The following SLC14A2 variants were observed in gnomAD, a reference collection of about 807,000 sequenced individuals.
The protein encoded by SLC14A2 is solute carrier family 14 member 2.
In SLC14A2, 91 loss-of-function variants were observed where a neutral mutation model predicts 104.6. That is an observed-to-expected ratio of 0.87 (90% confidence interval 0.73 to 1.04). The LOEUF (loss-of-function observed/expected upper bound fraction) is 1.04. SLC14A2 is among the 50% of genes least tolerant of loss of function. The pLI is 0.00. For missense variants in SLC14A2, 1,189 were observed against 1,156.0 expected, an observed-to-expected ratio of 1.03 and a Z score of -0.41; for synonymous variants, 476 against 466.4, an observed-to-expected ratio of 1.02 and a Z score of -0.27.
At chr18:45,197,389 T>C in the SLC14A2 span, among the ~76,000 whole-genome samples, 84 of 152,180 alleles carry the variant, frequency 5.5e-4, no homozygotes, top group African/African-American at 2.0e-3. Context: ...TGTGACCCAG[T>C]AAGAGAAGTG....
chr18:45,645,964 A>G (rs2045619755), intron 10 of SLC14A2, among the ~76,000 whole-genome samples: 1 of 152,170 alleles, frequency 6.6e-6, no homozygotes, highest in African/African-American at 2.4e-5. Context: ...GGGGTTTTAC[A>G]TGCTGGTGAC....
intron 16 of SLC14A2, among the ~76,000 whole-genome samples, chr18:45,672,461 G>A (rs1014993927): frequency 1.3e-5 from 2 of 151,840 alleles, no homozygotes; most frequent in Admixed American, 1.3e-4. Flanking sequence ...CCCGGGAGGC[G>A]GAGGTTGCAG....
intron 10 of SLC14A2, among the ~76,000 whole-genome samples, chr18:45,655,917 T>G (rs900973): frequency 0.8 from 121,100 of 152,150 alleles, 48,713 homozygotes; most frequent in Middle Eastern, 0.84. Flanking sequence ...CAGGAGTAAA[T>G]AATCCAAAAC....
chr18:45,444,868 G>T (rs2086739036), intron 1 of SLC14A2, among the ~76,000 whole-genome samples: 1 of 152,208 alleles, frequency 6.6e-6, no homozygotes, highest in Non-Finnish European at 1.5e-5. Flanking sequence ...AAAGTCATTA[G>T]ATCACGTTGT....
At chr18:45,343,555 T>C (rs1430035859) in intron 1 of SLC14A2, among the ~76,000 whole-genome samples, 1 of 152,218 alleles carries the variant, frequency 6.6e-6, no homozygotes. Flanking sequence ...TTTTACTATC[T>C]TCCCTTTTTA....
the SLC14A2 span, among the ~76,000 whole-genome samples, chr18:45,192,840 T>C: frequency 1.3e-5 from 2 of 152,160 alleles, no homozygotes; most frequent in African/African-American, 4.8e-5. Flanking sequence ...GTATTTTTAG[T>C]AGAGACGGGG....
intron 1 of SLC14A2, among the ~76,000 whole-genome samples, chr18:45,316,288 G>A (rs565481101): frequency 6.6e-5 from 10 of 152,276 alleles, no homozygotes; most frequent in Middle Eastern, 3.4e-3. Context: ...GTCTCAGTCC[G>A]AAAAGACCCT....
At chr18:45,428,716 C>G (rs1427061166) in intron 1 of SLC14A2, among the ~76,000 whole-genome samples, 1 of 152,224 alleles carries the variant, frequency 6.6e-6, no homozygotes, top group Non-Finnish European at 1.5e-5. Flanking sequence ...AGTTTAATGA[C>G]AGAATGGACC....
upstream of SLC14A2, chr18:45,212,896 C>A (rs1347778584): frequency 2.0e-5 from 3 of 152,328 alleles, no homozygotes; most frequent in African/African-American, 2.4e-5. Context: ...CCCACGTATG[C>A]CATAGATGTG....
At chr18:45,639,641 G>T in intron 6 of SLC14A2, 105 bp from the exon 7 acceptor site, 1 of 1,114,188 alleles carries the variant, frequency 9.0e-7, no homozygotes, top group Non-Finnish European at 1.3e-6. Context: ...TCATCCTCCC[G>T]TTCCACTCCA....
At chr18:45,178,386 TA>T in the SLC14A2 span, among the ~76,000 whole-genome samples, 1,168 of 151,910 alleles carry the variant, frequency 7.7e-3, 22 homozygotes, top group African/African-American at 0.027. Context: ...TGAGTAAGAT[TA>T]AAAAAATGCA....
chr18:45,497,580 A>G (rs553047531), intron 2 of SLC14A2, among the ~76,000 whole-genome samples: 1 of 152,252 alleles, frequency 6.6e-6, no homozygotes, highest in South Asian at 2.1e-4. Flanking sequence ...GAGCTTTCCA[A>G]CGAAATCCAT....
At chr18:45,610,256 C>T (rs534933582) in intron 2 of SLC14A2, among the ~76,000 whole-genome samples, 6 of 152,144 alleles carry the variant, frequency 3.9e-5, no homozygotes, top group Non-Finnish European at 7.4e-5. Flanking sequence ...AACAAGCTCC[C>T]AGGTGAAGCT....
intron 1 of SLC14A2, among the ~76,000 whole-genome samples, chr18:45,271,450 G>T (rs1318895107): frequency 6.6e-6 from 1 of 152,056 alleles, no homozygotes; most frequent in Non-Finnish European, 1.5e-5. Context: ...TTATGCAAAA[G>T]AAGATAGCAG....
At chr18:45,505,751 T>G (rs1332526865) in intron 2 of SLC14A2, among the ~76,000 whole-genome samples, 1 of 152,178 alleles carries the variant, frequency 6.6e-6, no homozygotes, top group African/African-American at 2.4e-5. Flanking sequence ...ATCTGTTGCC[T>G]TTTCTGTTAT....
chr18:45,173,679 T>C, the SLC14A2 span, among the ~76,000 whole-genome samples: 4 of 152,070 alleles, frequency 2.6e-5, no homozygotes, highest in Admixed American at 6.6e-5. Flanking sequence ...GCATGGATAA[T>C]CACAAATAAT....
chr18:45,268,194 A>G (rs1305771704), intron 1 of SLC14A2, among the ~76,000 whole-genome samples: 1 of 152,158 alleles, frequency 6.6e-6, no homozygotes, highest in African/African-American at 2.4e-5. Flanking sequence ...AAGTTGAAGC[A>G]AATACCAAGT....
intron 2 of SLC14A2, among the ~76,000 whole-genome samples, chr18:45,588,969 G>T (rs1261347684): frequency 3.1e-5 from 1 of 32,638 alleles, no homozygotes; most frequent in Non-Finnish European, 8.0e-5. Context: ...TTTGGGGTTG[G>T]TGGGTGGGGG....
upstream of SLC14A2, among the ~76,000 whole-genome samples, chr18:45,611,836 C>A (rs532890069): frequency 6.6e-6 from 1 of 152,164 alleles, no homozygotes; most frequent in Non-Finnish European, 1.5e-5. Flanking sequence ...ATAGCTTACA[C>A]CCCATCATGA....
Sources: allele counts gnomAD v4.1 joint callset (sites outside exome capture counted in the v4.1 genomes callset), GRCh38; gene constraint gnomAD v4.1.1; transcripts MANE v1.5; gene names NCBI Gene and HGNC (gene_info 2026-07-23, HGNC 2026-07-21).